The following STXBP4 variants were observed in gnomAD, a reference collection of about 807,000 sequenced individuals.
The protein encoded by STXBP4 is syntaxin-binding protein 4.
In STXBP4, 55 loss-of-function variants were observed where a neutral mutation model predicts 76.1. The ratio of observed to expected loss-of-function variants is 0.72; its 90% CI spans 0.58 to 0.91. The LOEUF (loss-of-function observed/expected upper bound fraction) is 0.91. Ranked by LOEUF, STXBP4 falls within the 40% of genes least tolerant of loss-of-function variation. The pLI is 0.00. For missense variants in STXBP4, 618 were observed against 636.9 expected, an observed-to-expected ratio of 0.97 and a Z score of 0.32; for synonymous variants, 201 against 220.2, an observed-to-expected ratio of 0.91 and a Z score of 0.77.
At chr17:55,076,772 A>G (rs890843940) in intron 13 of STXBP4, among the ~76,000 whole-genome samples, 8 of 152,000 alleles carry the variant, frequency 5.3e-5, no homozygotes, top group African/African-American at 1.9e-4. Flanking sequence ...TGTAATTCAG[A>G]TTGGATGTGT....
At chr17:55,086,102 T>G (rs559958977) in intron 16 of STXBP4, among the ~76,000 whole-genome samples, 4 of 152,268 alleles carry the variant, frequency 2.6e-5, no homozygotes, top group African/African-American at 9.6e-5. Flanking sequence ...CTGTCAAACA[T>G]GATTATTCAA....
chr17:55,138,004 T>G (rs1325509621), intron 16 of STXBP4, among the ~76,000 whole-genome samples: 1 of 152,162 alleles, frequency 6.6e-6, no homozygotes, highest in Non-Finnish European at 1.5e-5. Flanking sequence ...TGTTCATTTG[T>G]GTTTCATGCC....
intron 4 of STXBP4, among the ~76,000 whole-genome samples, chr17:54,995,249 C>A (rs1329952140): frequency 6.6e-6 from 1 of 152,172 alleles, no homozygotes; most frequent in Non-Finnish European, 1.5e-5. Flanking sequence ...CTTCCACTGG[C>A]ACCATTTGGG....
At chr17:54,978,135 G>A (rs947165601) in intron 1 of STXBP4, among the ~76,000 whole-genome samples, 8 of 152,144 alleles carry the variant, frequency 5.3e-5, no homozygotes, top group Admixed American at 2.6e-4. Context: ...AAAAAACATT[G>A]GGAGACTTGT....
At chr17:54,974,791 G>A (rs2077446919) in intron 1 of STXBP4, among the ~76,000 whole-genome samples, 1 of 152,226 alleles carries the variant, frequency 6.6e-6, no homozygotes, top group Non-Finnish European at 1.5e-5. Flanking sequence ...GCAGAAAGGG[G>A]CTACCCCATA....
intron 16 of STXBP4, among the ~76,000 whole-genome samples, chr17:55,139,588 C>T (rs998425760): frequency 3.9e-5 from 6 of 152,208 alleles, no homozygotes; most frequent in East Asian, 1.9e-4. Flanking sequence ...AGTGTGAAGA[C>T]AGAAAATAAA....
intron 16 of STXBP4, among the ~76,000 whole-genome samples, chr17:55,101,475 C>T (rs947382601): frequency 2.0e-5 from 3 of 152,202 alleles, no homozygotes; most frequent in Non-Finnish European, 4.4e-5. Context: ...AGAAATAGCT[C>T]TCCCTCCTTA....
intron 1 of STXBP4, among the ~76,000 whole-genome samples, chr17:54,981,115 C>G (rs919133322): frequency 6.6e-6 from 1 of 151,990 alleles, no homozygotes; most frequent in Non-Finnish European, 1.5e-5. Flanking sequence ...GAAAGTGATA[C>G]CAAATTCCTG....
the STXBP4 span, among the ~76,000 whole-genome samples, chr17:55,185,189 T>TTCTTCTTCTTCTTC: frequency 2.3e-5 from 2 of 87,732 alleles, no homozygotes; most frequent in African/African-American, 4.2e-5. Context: ...TCTTCTTCTT[T>TTCTTCTTCTTCTTC]TTCTTCTTCT....
intron 1 of STXBP4, among the ~76,000 whole-genome samples, chr17:54,975,301 C>T (rs994528467): frequency 2.0e-5 from 3 of 152,092 alleles, no homozygotes; most frequent in Admixed American, 1.3e-4. Flanking sequence ...ACCACCATGC[C>T]CTGCTAAAAA....
Position 55,084,406 on chromosome 17 carries a change from G to A in STXBP4, c.1489+3223G>A, listed in dbSNP as rs572014128. Among the ~76,000 whole-genome samples, 173 of 152,132 alleles carry A rather than the reference G, an allele frequency of 1.1e-3. 1 individual carries two copies. The highest frequency in any genetic ancestry group is 3.8e-3 in the African/African-American group (158 of 41,510). On this transcript the variant is annotated intron_variant, in intron 16 of 17. Coordinates refer to ENST00000376352, the MANE Select transcript of STXBP4 (RefSeq NM_178509.6). ...GCCCTTTGTCAGATGAGTAGGTTGC[G>A]AAAATTTTCTCCCATTTTGTAGGTT...
intron 1 of STXBP4, among the ~76,000 whole-genome samples, chr17:54,973,965 A>G (rs1317455164): frequency 6.6e-6 from 1 of 152,220 alleles, no homozygotes; most frequent in Non-Finnish European, 1.5e-5. Context: ...TTTTCATATA[A>G]GCCATTTTGA....
At chr17:55,017,550 A>T (rs1205351220) in intron 8 of STXBP4, among the ~76,000 whole-genome samples, 2 of 152,154 alleles carry the variant, frequency 1.3e-5, no homozygotes, top group Non-Finnish European at 2.9e-5. Context: ...CAGAGGTAAG[A>T]AGAATTTGGG....
At chr17:55,061,020 G>A (rs542651037) in intron 12 of STXBP4, among the ~76,000 whole-genome samples, 72 of 152,256 alleles carry the variant, frequency 4.7e-4, no homozygotes, top group Admixed American at 1.7e-3. Context: ...GTTCAGATAA[G>A]CCCACTTGTA....
chr17:55,176,972 AAG>A (rs1463216304), downstream of STXBP4, among the ~76,000 whole-genome samples: 1 of 152,042 alleles, frequency 6.6e-6, no homozygotes, highest in Non-Finnish European at 1.5e-5. Flanking sequence ...CAGGCCTCAG[AAG>A]AGAGTCTCAT....
At chr17:55,143,396 A>G (rs1252626409) in intron 17 of STXBP4, among the ~76,000 whole-genome samples, 1 of 152,216 alleles carries the variant, frequency 6.6e-6, no homozygotes, top group South Asian at 2.1e-4. Flanking sequence ...ACCTAAACCT[A>G]GCTGTCTGTC....
At position 55,167,121 on chromosome 17, in the gene STXBP4, A is replaced by C. The variant is rs1017840125; in HGVS notation, c.*7210A>C. 2.0e-5 allele frequency: 3 copies of C among 152,236 alleles called. No individual in the cohort carries two copies. Among genetic ancestry groups the C allele is most frequent in the African/African-American group, 7.2e-5 (3 of 41,456 alleles). 9.4% of individuals were successfully genotyped at this position (152,236 alleles called of 1,614,324 possible). A position where few individuals can be genotyped will look rare whatever the true frequency, so the allele number is the denominator to read the frequency against. Reference sequence around the variant, plus strand: ...GCTTCCAACTCTGAAATCCTACCGCAGTCCCCTATTGCTGCATACCTTTTA... The same window carrying C: ...GCTTCCAACTCTGAAATCCTACCGCCGTCCCCTATTGCTGCATACCTTTTA... On this transcript the variant is annotated 3_prime_UTR_variant, in exon 18 of 18. Coordinates refer to ENST00000376352, the MANE Select transcript of STXBP4 (RefSeq NM_178509.6).
rs766529708 is a variant in STXBP4, at chr17:55,081,192, T to G, written c.1489+9T>G. Reference sequence around the variant, plus strand: ...CTTACTTGATATGGATTGTAAGTTTTCTGCATTTTTTCACTTTTTAAAAGT... The same window carrying G: ...CTTACTTGATATGGATTGTAAGTTTGCTGCATTTTTTCACTTTTTAAAAGT... On this transcript the variant is annotated intron_variant, in intron 16 of 17. Coordinates refer to ENST00000376352, the MANE Select transcript of STXBP4 (RefSeq NM_178509.6). 1 of 1,439,632 alleles carries G rather than the reference T, an allele frequency of 6.9e-7. No individual in the cohort carries two copies. Among genetic ancestry groups the G allele is most frequent in the African/African-American group, 1.5e-5 (1 of 67,366 alleles). The allele number at this position is 1,439,632 out of a possible 1,614,324, so 89.2% of individuals were successfully genotyped here. A position where few individuals can be genotyped will look rare whatever the true frequency, so the allele number is the denominator to read the frequency against.
intron 8 of STXBP4, among the ~76,000 whole-genome samples, chr17:55,013,865 C>T (rs150931008): frequency 4.2e-4 from 64 of 152,252 alleles, no homozygotes; most frequent in African/African-American, 1.4e-3. Flanking sequence ...CAAAGGCAAA[C>T]AAGAATTGAG....
Sources: gnomAD v4.1 joint callset for allele counts (sites outside exome capture counted in the v4.1 genomes callset) on GRCh38, gnomAD v4.1.1 for gene constraint, MANE v1.5 for transcripts, NCBI Gene and HGNC (gene_info 2026-07-23, HGNC 2026-07-21) for gene names.